USP24: variants seen among roughly 807,000 people sequenced by gnomAD.
USP24 encodes the protein ubiquitin specific peptidase 24.
USP24 carries 97 observed loss-of-function variants against 361.6 expected under a neutral mutation model. The ratio of observed to expected loss-of-function variants is 0.27; its 90% confidence interval spans 0.23 to 0.32. The LOEUF (loss-of-function observed/expected upper bound fraction) is 0.32. Among genes scored for constraint, USP24 ranks in the 10% least tolerant of loss-of-function variants. USP24 has a pLI of 1.00. For synonymous variants in USP24, 1,098 were observed against 1,124.6 expected, an observed-to-expected ratio of 0.98 and a Z score of 0.47; for missense variants, 2,353 against 3,165.6, an observed-to-expected ratio of 0.74 and a Z score of 6.16.
chr1:55,115,988 AG>A (rs1646103983), intron 38 of USP24, among the ~76,000 whole-genome samples: 1 of 152,042 alleles, frequency 6.6e-6, no homozygotes, highest in African/African-American at 2.4e-5. Flanking sequence ...GGACACAGGG[AG>A]GGGAACACCA....
chr1:55,186,575 T>C (rs1055713330), intron 1 of USP24, among the ~76,000 whole-genome samples: 2 of 152,234 alleles, frequency 1.3e-5, no homozygotes, highest in African/African-American at 4.8e-5. Context: ...TACCATGGAT[T>C]ATCCAAACTT....
At chr1:55,139,854 T>A (rs1646839005) in intron 24 of USP24, among the ~76,000 whole-genome samples, 1 of 152,290 alleles carries the variant, frequency 6.6e-6, no homozygotes, top group South Asian at 2.1e-4. Flanking sequence ...TTCCAGTCTA[T>A]GGGCAAGAAC....
intron 59 of USP24, 50 bp from the exon 60 acceptor site, chr1:55,079,709 T>G (rs777056837): frequency 6.7e-7 from 1 of 1,495,028 alleles, no homozygotes; most frequent in Non-Finnish European, 8.8e-7. Context: ...CTGGTGTTAC[T>G]CCACAAAATA....
At chr1:55,083,402 A>G in intron 57 of USP24, 38 bp from the exon 58 acceptor site, 1 of 1,602,264 alleles carries the variant, frequency 6.2e-7, no homozygotes, top group Non-Finnish European at 8.5e-7. Flanking sequence ...TTATATTTCT[A>G]TCCAGACAAA....
intron 30 of USP24, 89 bp downstream of exon 30, chr1:55,133,981 A>C: frequency 1.8e-6 from 2 of 1,131,622 alleles, no homozygotes; most frequent in Non-Finnish European, 2.6e-6. Flanking sequence ...GAAAGATGGT[A>C]TCATATGACC....
At chr1:55,173,486 T>A (rs926938244) in intron 3 of USP24, among the ~76,000 whole-genome samples, 1 of 152,126 alleles carries the variant, frequency 6.6e-6, no homozygotes, top group Non-Finnish European at 1.5e-5. Flanking sequence ...GAACAAGAAA[T>A]GAAAAATCAA....
At chr1:55,076,774 G>C (rs915173222) in intron 62 of USP24, among the ~76,000 whole-genome samples, 1 of 151,962 alleles carries the variant, frequency 6.6e-6, no homozygotes, top group Non-Finnish European at 1.5e-5. Flanking sequence ...TCCTACAATT[G>C]ATTACATTTC....
intron 23 of USP24, 44 bp from the exon 24 acceptor site, chr1:55,141,775 C>T (rs1202443319): frequency 6.6e-7 from 1 of 1,523,880 alleles, no homozygotes; most frequent in African/African-American, 1.4e-5. Context: ...GTTTCTCAAC[C>T]TGGACTCTAG....
At chr1:55,177,677 T>C in intron 2 of USP24, among the ~76,000 whole-genome samples, 1 of 152,158 alleles carries the variant, frequency 6.6e-6, no homozygotes, top group East Asian at 1.9e-4. Context: ...AAAAAAAAGC[T>C]GTTGAATTGA....
chr1:55,192,116 C>T (rs1469577049), intron 1 of USP24, among the ~76,000 whole-genome samples: 1 of 151,832 alleles, frequency 6.6e-6, no homozygotes, highest in Non-Finnish European at 1.5e-5. Flanking sequence ...TTTAAAAAAT[C>T]AACATGCAAG....
intron 53 of USP24, 37 bp from the exon 54 acceptor site, chr1:55,092,163 A>C: frequency 6.9e-7 from 1 of 1,445,250 alleles, no homozygotes; most frequent in Non-Finnish European, 9.3e-7. Flanking sequence ...TATTTTTCAC[A>C]GAAGTTTTAT....
At chr1:55,173,606 C>T (rs922130585) in intron 3 of USP24, among the ~76,000 whole-genome samples, 1 of 152,170 alleles carries the variant, frequency 6.6e-6, no homozygotes, top group Non-Finnish European at 1.5e-5. Flanking sequence ...ACAAAAATTT[C>T]ATCTTGGCTT....
chr1:55,187,137 A>G (rs1644154680), intron 1 of USP24, among the ~76,000 whole-genome samples: 1 of 152,164 alleles, frequency 6.6e-6, no homozygotes, highest in Admixed American at 6.6e-5. Context: ...CAAAAAACCA[A>G]TCAATATAAT....
At chr1:55,083,463 T>C (rs1476561579) in intron 57 of USP24, 99 bp from the exon 58 acceptor site, 2 of 1,125,774 alleles carry the variant, frequency 1.8e-6, no homozygotes, top group African/African-American at 3.2e-5. Context: ...AGTCAATATA[T>C]TTTTTAAGAA....
chr1:55,201,034 T>C (rs532900198), intron 1 of USP24, among the ~76,000 whole-genome samples: 1 of 152,312 alleles, frequency 6.6e-6, no homozygotes, highest in African/African-American at 2.4e-5. Flanking sequence ...AAAATGTTCC[T>C]TCCCACCAAC....
At chr1:55,176,208 C>T (rs1398857629) in intron 3 of USP24, among the ~76,000 whole-genome samples, 168 bp downstream of exon 3, 1 of 151,914 alleles carries the variant, frequency 6.6e-6, no homozygotes, top group African/African-American at 2.4e-5. Flanking sequence ...CATTTATAAG[C>T]CCCAAATTCA....
chr1:55,074,673 AAT>A (rs1229348051), intron 63 of USP24, among the ~76,000 whole-genome samples: 16 of 148,398 alleles, frequency 1.1e-4, no homozygotes, highest in African/African-American at 3.0e-4. Context: ...TAAATAAATA[AAT>A]AAATAAAAAT....
intron 44 of USP24, 67 bp from the exon 45 acceptor site, chr1:55,099,936 C>G: frequency 8.8e-7 from 1 of 1,134,690 alleles, no homozygotes; most frequent in Non-Finnish European, 1.3e-6. Context: ...AGAAAGGGAA[C>G]ATGAAAGAGC....
At chr1:55,143,539 TAGGACCC>T (rs1389707976) in intron 21 of USP24, among the ~76,000 whole-genome samples, 1 of 152,054 alleles carries the variant, frequency 6.6e-6, no homozygotes, top group Non-Finnish European at 1.5e-5. Context: ...TAGTAAACAG[TAGGACCC>T]AGGGCTTGTA....
Sources: gnomAD v4.1 joint callset for allele counts (sites outside exome capture counted in the v4.1 genomes callset) on GRCh38, gnomAD v4.1.1 for gene constraint, MANE v1.5 for transcripts, NCBI Gene and HGNC (gene_info 2026-07-23, HGNC 2026-07-21) for gene names.